NLGN1: variants seen among roughly 807,000 people sequenced by gnomAD.
The protein encoded by NLGN1 is neuroligin 1.
NLGN1 carries 12 observed loss-of-function variants against 65.5 expected under a neutral mutation model. The ratio of observed to expected loss-of-function variants is 0.18; its 90% confidence interval spans 0.12 to 0.30. The LOEUF is 0.30. Ranked by LOEUF, NLGN1 falls within the 10% of genes least tolerant of loss-of-function variation. The pLI, the probability that NLGN1 is intolerant of heterozygous loss-of-function variation, is 1.00. For missense variants in NLGN1, 750 were observed against 1,007.1 expected (o/e 0.74, Z 3.46); for synonymous variants, 350 against 359.5 (o/e 0.97, Z 0.30).
intron 3 of NLGN1, among the ~76,000 whole-genome samples, chr3:173,607,172 T>G (rs1003351664): frequency 6.6e-6 from 1 of 151,952 alleles, no homozygotes; most frequent in African/African-American, 2.4e-5. Flanking sequence ...ATTAGAAAAT[T>G]CTTTTTCATT....
intron 4 of NLGN1, among the ~76,000 whole-genome samples, chr3:173,916,816 C>T (rs769401487): frequency 7.2e-5 from 11 of 152,092 alleles, no homozygotes; most frequent in Non-Finnish European, 1.3e-4. Flanking sequence ...ATACTGAGAG[C>T]AAATCTAAAA....
At chr3:173,829,891 G>A (rs926291377) in intron 4 of NLGN1, among the ~76,000 whole-genome samples, 1 of 151,884 alleles carries the variant, frequency 6.6e-6, no homozygotes, top group African/African-American at 2.4e-5. Flanking sequence ...GTAATCATCT[G>A]TGATGTTTCC....
chr3:174,051,505 C>A (rs1003827534), intron 4 of NLGN1, among the ~76,000 whole-genome samples: 10 of 152,024 alleles, frequency 6.6e-5, no homozygotes, highest in African/African-American at 2.4e-4. Flanking sequence ...AGATTTCTTA[C>A]AATCAGTTTG....
At chr3:173,923,922 G>A (rs1742524909) in intron 4 of NLGN1, among the ~76,000 whole-genome samples, 2 of 151,992 alleles carry the variant, frequency 1.3e-5, no homozygotes, top group Non-Finnish European at 2.9e-5. Context: ...TAATTGAATG[G>A]CATTTTTTAG....
At chr3:174,215,713 A>C (rs1737466353) in intron 4 of NLGN1, among the ~76,000 whole-genome samples, 1 of 152,190 alleles carries the variant, frequency 6.6e-6, no homozygotes, top group South Asian at 2.1e-4. Context: ...TGAACGAGTC[A>C]GTAAAACATC....
At chr3:173,831,381 C>A (rs1207325857) in intron 4 of NLGN1, among the ~76,000 whole-genome samples, 1 of 152,096 alleles carries the variant, frequency 6.6e-6, no homozygotes, top group African/African-American at 2.4e-5. Context: ...TTTCAAAGTG[C>A]AAGTTTTGGA....
chr3:173,543,824 G>C (rs1739300562), intron 2 of NLGN1, among the ~76,000 whole-genome samples: 1 of 152,096 alleles, frequency 6.6e-6, no homozygotes, highest in Non-Finnish European at 1.5e-5. Context: ...GAAGCTTAGA[G>C]ACAAGTACAG....
At chr3:174,218,487 C>A (rs1390711727) in intron 4 of NLGN1, among the ~76,000 whole-genome samples, 1 of 151,914 alleles carries the variant, frequency 6.6e-6, no homozygotes, top group Non-Finnish European at 1.5e-5. Context: ...CTTTGCTTCT[C>A]AGCACAAACC....
intron 3 of NLGN1, among the ~76,000 whole-genome samples, chr3:173,762,408 ATAAAT>A (rs1227950070): frequency 2.0e-5 from 3 of 152,216 alleles, no homozygotes; most frequent in South Asian, 4.1e-4. Flanking sequence ...TAAAATGATA[ATAAAT>A]TAAAAGAAAT....
rs75229135 is a variant in NLGN1, at chr3:173,875,197, T to G, written c.646+67365T>G. On this transcript the variant is annotated intron_variant, in intron 4 of 6. Coordinates refer to ENST00000457714, the Ensembl canonical transcript of NLGN1. ...GAAGGTGTTTGACCACTGCGGACAT[T>G]GAATGTGTCTTTGGTGAGTCAGTAT... Among the ~76,000 whole-genome samples the G allele has an allele frequency of 4.6e-5, 7 of 152,266 alleles. No individual in the cohort carries two copies. In the East Asian group the frequency reaches 9.7e-4, roughly 21 times the overall value.
intron 3 of NLGN1, among the ~76,000 whole-genome samples, chr3:173,616,941 C>G (rs1179523984): frequency 6.6e-6 from 1 of 152,156 alleles, no homozygotes; most frequent in Admixed American, 6.6e-5. Flanking sequence ...CTCTGTAAGA[C>G]TCTACGTAGT....
At chr3:173,677,868 C>T (rs745479902) in intron 3 of NLGN1, among the ~76,000 whole-genome samples, 5 of 152,090 alleles carry the variant, frequency 3.3e-5, no homozygotes, top group Non-Finnish European at 5.9e-5. Context: ...GATTGAAAGT[C>T]TTACAGCCAA....
intron 2 of NLGN1, among the ~76,000 whole-genome samples, chr3:173,573,566 T>C (rs937348824): frequency 1.3e-5 from 2 of 149,612 alleles, no homozygotes; most frequent in Admixed American, 1.3e-4. Flanking sequence ...GTATGTATGT[T>C]GAAACAAGGG....
chr3:174,170,442 C>T (rs1000037403), intron 4 of NLGN1, among the ~76,000 whole-genome samples: 2 of 152,164 alleles, frequency 1.3e-5, no homozygotes, highest in Non-Finnish European at 2.9e-5. Flanking sequence ...GGATCCCTGG[C>T]TCCGTGATGG....
At chr3:174,150,229 G>A (rs1561162653) in intron 4 of NLGN1, among the ~76,000 whole-genome samples, 1 of 152,156 alleles carries the variant, frequency 6.6e-6, no homozygotes, top group East Asian at 1.9e-4. Flanking sequence ...TATTTTAAGT[G>A]TAAATATATA....
Position 173,802,065 on chromosome 3 carries a change from A to G in NLGN1, c.494-5615A>G, listed in dbSNP as rs1410262508. Among the ~76,000 whole-genome samples the G allele has an allele frequency of 5.9e-5, 9 of 152,274 alleles. 1 individual carries two copies. In the South Asian group the frequency reaches 1.5e-3, roughly 25 times the overall value. ...TTCATGTGTATCTTTGTAAAGGCCA[A>G]ATTTTCCCCATTTAGGCAAAGGGTT... On this transcript the variant is annotated intron_variant, in intron 3 of 6. Transcript: ENST00000457714.
chr3:173,758,456 TTC>T (rs1328158923), intron 3 of NLGN1, among the ~76,000 whole-genome samples: 1 of 152,058 alleles, frequency 6.6e-6, no homozygotes, highest in Non-Finnish European at 1.5e-5. Context: ...AGAATTTAAA[TTC>T]TCTTTTTACT....
intron 3 of NLGN1, among the ~76,000 whole-genome samples, chr3:173,641,514 C>T (rs1478652058): frequency 6.6e-6 from 1 of 152,110 alleles, no homozygotes; most frequent in Non-Finnish European, 1.5e-5. Flanking sequence ...CCCGGCTGGT[C>T]TCCTGACCTC....
At chr3:173,998,233 C>T (rs964161383) in intron 4 of NLGN1, among the ~76,000 whole-genome samples, 4 of 152,164 alleles carry the variant, frequency 2.6e-5, no homozygotes, top group African/African-American at 9.7e-5. Flanking sequence ...TTCACCTCAT[C>T]CATTGCTGTT....
Sources: gnomAD v4.1 joint callset for allele counts (sites outside exome capture counted in the v4.1 genomes callset) on GRCh38, gnomAD v4.1.1 for gene constraint, MANE v1.5 for transcripts, NCBI Gene and HGNC (gene_info 2026-07-23, HGNC 2026-07-21) for gene names.